The following GRIA1 variants were observed in gnomAD, a reference collection of about 807,000 sequenced individuals.
The protein encoded by GRIA1 is glutamate ionotropic receptor AMPA type subunit 1.
A neutral mutation model predicts 99.2 loss-of-function variants in GRIA1; 31 were observed. The observed-to-expected ratio is 0.31, with a 90% CI of 0.23 to 0.42. GRIA1 has a LOEUF of 0.42. Ranked by LOEUF, GRIA1 falls within the 10% of genes least tolerant of loss-of-function variation. The pLI is 1.00. For missense variants in GRIA1, 782 were observed against 1,157.5 expected (o/e 0.68, Z 4.71); for synonymous variants, 438 against 432.4 (o/e 1.01, Z -0.16).
intron 11 of GRIA1, among the ~76,000 whole-genome samples, chr5:153,725,079 T>C (rs1760410045): frequency 6.6e-6 from 1 of 152,174 alleles, no homozygotes; most frequent in South Asian, 2.1e-4. Context: ...CAGAAGCGAC[T>C]GGGGGCCAAT....
At chr5:153,668,081 C>A (rs1235977050) in intron 5 of GRIA1, among the ~76,000 whole-genome samples, 1 of 152,176 alleles carries the variant, frequency 6.6e-6, no homozygotes, top group East Asian at 1.9e-4. Context: ...AGCCATATAA[C>A]CTTAAGCCAC....
chr5:153,661,421 A>G (rs1755362668), intron 5 of GRIA1, among the ~76,000 whole-genome samples: 1 of 152,240 alleles, frequency 6.6e-6, no homozygotes. Context: ...TATGAGAACT[A>G]AGTGAGATCC....
intron 2 of GRIA1, among the ~76,000 whole-genome samples, chr5:153,546,126 A>C (rs1346702618): frequency 6.6e-6 from 1 of 152,200 alleles, no homozygotes; most frequent in African/African-American, 2.4e-5. Flanking sequence ...TTTGAGGATG[A>C]ATTTGTAGGG....
At chr5:153,790,889 A>G (rs984719342) in intron 13 of GRIA1, among the ~76,000 whole-genome samples, 11 of 152,180 alleles carry the variant, frequency 7.2e-5, no homozygotes, top group African/African-American at 2.7e-4. Flanking sequence ...AGATTTTCCA[A>G]GGTTCCTGGC....
At chr5:153,749,765 G>A (rs912865556) in intron 11 of GRIA1, among the ~76,000 whole-genome samples, 2 of 151,622 alleles carry the variant, frequency 1.3e-5, no homozygotes, top group Non-Finnish European at 2.9e-5. Flanking sequence ...AAGAATGAAT[G>A]AATGAATAAA....
intron 3 of GRIA1, 77 bp from the exon 4 acceptor site, chr5:153,650,253 T>G: frequency 3.1e-6 from 4 of 1,277,430 alleles, no homozygotes; most frequent in East Asian, 2.4e-5. Context: ...CCAGGGGAGG[T>G]AGGTGCCTGA....
intron 12 of GRIA1, 46 bp from the exon 13 acceptor site, chr5:153,770,122 C>T: frequency 6.2e-7 from 1 of 1,603,120 alleles, no homozygotes; most frequent in Non-Finnish European, 8.5e-7. Context: ...GCACCGACCC[C>T]AATTCCAAGC....
intron 11 of GRIA1, among the ~76,000 whole-genome samples, chr5:153,744,415 G>A (rs780682354): frequency 8.5e-5 from 13 of 152,268 alleles, no homozygotes; most frequent in Middle Eastern, 3.4e-3. Context: ...GATGTATTTC[G>A]ATTCCACTTT....
intron 11 of GRIA1, among the ~76,000 whole-genome samples, chr5:153,725,899 A>G (rs541720454): frequency 3.4e-4 from 46 of 133,928 alleles, no homozygotes; most frequent in African/African-American, 1.3e-3. Context: ...CCTAATAGAC[A>G]TCTACAGAAC....
At chr5:153,527,643 G>C (rs936052494) in intron 2 of GRIA1, among the ~76,000 whole-genome samples, 22 of 152,258 alleles carry the variant, frequency 1.4e-4, no homozygotes, top group African/African-American at 5.3e-4. Context: ...AAGTCAAATT[G>C]GTCTCTCTGG....
chr5:153,730,424 T>C (rs1485683362), intron 11 of GRIA1, among the ~76,000 whole-genome samples: 1 of 152,104 alleles, frequency 6.6e-6, no homozygotes, highest in Non-Finnish European at 1.5e-5. Context: ...TTTATTAGCA[T>C]GTAACAGTAC....
intron 7 of GRIA1, among the ~76,000 whole-genome samples, chr5:153,683,363 T>C (rs575451997): frequency 2.6e-5 from 4 of 152,340 alleles, no homozygotes; most frequent in Non-Finnish European, 4.4e-5. Context: ...CCCAACTAGA[T>C]ACTAAGAGCC....
chr5:153,588,807 A>C (rs1464134644), intron 2 of GRIA1, among the ~76,000 whole-genome samples: 1 of 152,126 alleles, frequency 6.6e-6, no homozygotes, highest in Admixed American at 6.6e-5. Flanking sequence ...CACTATTTCT[A>C]TTGCTTAGAA....
chr5:153,803,909 T>C (rs558327389), intron 15 of GRIA1, among the ~76,000 whole-genome samples: 1 of 152,262 alleles, frequency 6.6e-6, no homozygotes, highest in South Asian at 2.1e-4. Context: ...GCTCATTCTG[T>C]TTAGAAATTC....
Position 153,597,857 on chromosome 5 carries a change from A to T in GRIA1, c.221-49071A>T, listed in dbSNP as rs201609380. On this transcript the variant is annotated intron_variant, in intron 2 of 15. Coordinates refer to ENST00000285900, the MANE Select transcript of GRIA1 (RefSeq NM_000827.4). ...ACCCCGTCTCTAAAAAAAAAAAAAAAATTAATTAGCCTGGTGCTGTGGCAT... is the reference window on the plus strand; with the variant it reads ...ACCCCGTCTCTAAAAAAAAAAAAAATATTAATTAGCCTGGTGCTGTGGCAT... 1.7e-3 allele frequency among the ~76,000 whole-genome samples: 263 copies of T among 151,618 alleles called. 1 individual carries two copies. The highest frequency in any genetic ancestry group is 0.015 in the East Asian group (76 of 5,144).
chr5:153,674,395 G>C, intron 5 of GRIA1, 105 bp from the exon 6 acceptor site: 1 of 1,256,814 alleles, frequency 8.0e-7, no homozygotes, highest in South Asian at 1.3e-5. Context: ...CATTGAGTAG[G>C]TTTCATCTGG....
chr5:153,495,857 T>C (rs2113202984), intron 2 of GRIA1, among the ~76,000 whole-genome samples: 1 of 152,322 alleles, frequency 6.6e-6, no homozygotes, highest in African/African-American at 2.4e-5. Flanking sequence ...GGGCATTTGG[T>C]TGGGGGCATC....
chr5:153,520,587 G>A (rs1757046963), intron 2 of GRIA1, among the ~76,000 whole-genome samples: 1 of 152,116 alleles, frequency 6.6e-6, no homozygotes, highest in African/African-American at 2.4e-5. Context: ...GAGTAGGGAA[G>A]ATGTATACAA....
intron 4 of GRIA1, among the ~76,000 whole-genome samples, chr5:153,653,151 A>C (rs1377771644): frequency 6.6e-6 from 1 of 152,208 alleles, no homozygotes; most frequent in African/African-American, 2.4e-5. Flanking sequence ...ACACCAAATA[A>C]AGTATTCAAT....
Sources: allele counts gnomAD v4.1 joint callset (sites outside exome capture counted in the v4.1 genomes callset), GRCh38; gene constraint gnomAD v4.1.1; transcripts MANE v1.5; gene names NCBI Gene and HGNC (gene_info 2026-07-23, HGNC 2026-07-21).